PTCHD4: variants seen among roughly 807,000 people sequenced by gnomAD.
PTCHD4 encodes patched domain-containing protein 4.
A neutral mutation model predicts 58.1 loss-of-function variants in PTCHD4; 33 were observed. The observed-to-expected ratio is 0.57, with a 90% CI of 0.43 to 0.76. The LOEUF (loss-of-function observed/expected upper bound fraction) is 0.76, where lower values mean the gene tolerates loss of function less well. PTCHD4 is among the 30% of genes least tolerant of loss of function. PTCHD4 has a pLI of 0.00. For synonymous variants in PTCHD4, 478 were observed against 409.6 expected, an observed-to-expected ratio of 1.17 and a Z score of -2.02; for missense variants, 1,058 against 1,027.1, an observed-to-expected ratio of 1.03 and a Z score of -0.41.
At chr6:48,077,631 C>T (rs1471552756) in intron 1 of PTCHD4, among the ~76,000 whole-genome samples, 2 of 152,212 alleles carry the variant, frequency 1.3e-5, no homozygotes, top group Non-Finnish European at 2.9e-5. Flanking sequence ...TTAATCATTT[C>T]TAGCTTTTGA....
At chr6:47,931,768 G>A (rs1447680641) in intron 4 of PTCHD4, among the ~76,000 whole-genome samples, 6 of 144,828 alleles carry the variant, frequency 4.1e-5, no homozygotes, top group African/African-American at 1.2e-4. Context: ...CATAATAATG[G>A]CACACAATAG....
chr6:47,887,181 CAAT>C (rs1561940031), intron 4 of PTCHD4, among the ~76,000 whole-genome samples: 1 of 149,984 alleles, frequency 6.7e-6, no homozygotes, highest in Non-Finnish European at 1.5e-5. Context: ...ACTAGATTAA[CAAT>C]AATAGGTATA....
chr6:48,062,810 T>C (rs1471456368), intron 3 of PTCHD4, among the ~76,000 whole-genome samples: 1 of 152,186 alleles, frequency 6.6e-6, no homozygotes, highest in Non-Finnish European at 1.5e-5. Context: ...AAATCCACTA[T>C]AATGATAATT....
Position 48,041,212 on chromosome 6 carries a change from T to G in PTCHD4, c.417+27018A>C, listed in dbSNP as rs552220333. Among the ~76,000 whole-genome samples the G allele has an allele frequency of 2.0e-5, 3 of 152,130 alleles. No individual in the cohort carries two copies. The East Asian group carries it at 5.8e-4, about 29-fold the overall frequency. The stretch of plus-strand genomic sequence containing the variant: ...ACCTCCACCCAGGTGAGAATGTAAT[T>G]TGACTCTCAATTTTCACAAAGAAAC... On this transcript the variant is annotated intron_variant, in intron 3 of 4. Transcript: ENST00000339488.
At chr6:47,891,366 C>T (rs1212300287) in intron 4 of PTCHD4, among the ~76,000 whole-genome samples, 2 of 152,108 alleles carry the variant, frequency 1.3e-5, no homozygotes, top group Admixed American at 6.5e-5. Context: ...CAGACAACCT[C>T]GCAAAACAGC....
chr6:48,077,687 C>T (rs1322920740), intron 1 of PTCHD4, among the ~76,000 whole-genome samples: 2 of 152,108 alleles, frequency 1.3e-5, no homozygotes. Context: ...TTCTTGAATA[C>T]TTAGAGGCCA....
At position 48,068,623 on chromosome 6, in the gene PTCHD4, C is replaced by A. The variant is rs753515083; in HGVS notation, c.24G>T (p.Ala8=). 4 of 1,562,638 alleles carry A rather than the reference C, an allele frequency of 2.6e-6. No individual in the cohort carries two copies. Among genetic ancestry groups the A allele is most frequent in the Non-Finnish European group, 3.5e-6 (4 of 1,158,954 alleles). Residue 8 remains alanine, a synonymous_variant, in exon 3 of 5, where the codon GCG becomes GCT. Transcript: ENST00000339488. The surrounding 1 kb of genome is among the most constrained non-coding windows in gnomAD (Gnocchi z 4.2). ...GCAGCATCCTCCACCAGATCCAGCT[C>A]GCAGGCGCTCCCGGCCGTCTTAAAA... MRRPGAP[A]SWIWWRMLRQ...
chr6:47,967,659 C>T (rs1767344681), intron 4 of PTCHD4, among the ~76,000 whole-genome samples: 2 of 152,180 alleles, frequency 1.3e-5, no homozygotes, highest in Admixed American at 6.5e-5. Context: ...TTCTGGATAA[C>T]TTGCTGCAGC....
intron 1 of PTCHD4, among the ~76,000 whole-genome samples, chr6:48,091,670 G>GGAGTCTCGCTTTGTTGCCCAGGATGGAGT (rs1301956179): frequency 1.5e-4 from 17 of 114,730 alleles, no homozygotes; most frequent in African/African-American, 5.6e-4. Flanking sequence ...TTTTTTGGAT[G>GGAGTCTCGCTTTGTTGCCCAGGATGGAGT]GAGTCTCGCT....
At chr6:47,911,556 TA>T (rs1334043177) in intron 4 of PTCHD4, among the ~76,000 whole-genome samples, 9 of 151,998 alleles carry the variant, frequency 5.9e-5, no homozygotes, top group African/African-American at 2.2e-4. Context: ...AGGAAAGGAG[TA>T]AAGGATGATG....
rs912676727 is a variant in PTCHD4 at position 47,878,928 on chromosome 6, C to T, written c.1907G>A (p.Arg636Gln). 6 of 1,613,240 alleles carry T rather than the reference C, an allele frequency of 3.7e-6. No individual in the cohort carries two copies. In the East Asian group the frequency reaches 6.7e-5, roughly 18 times the overall value. The part of the protein sequence containing the change: ...LRPLSLSKSI[R>Q]FIVFNPSFVF... The stretch of plus-strand genomic sequence containing the variant: ...AAAGGAGGGGTTGAACACGATGAAT[C>T]GGATGCTCTTTGAGAGGGATAGGGG... The change falls in exon 5 of 5, where the codon CGA (arginine) becomes CAA (glutamine). Residue 636 changes from arginine (R) to glutamine (Q), a missense_variant. Coordinates refer to ENST00000339488, the MANE Select transcript of PTCHD4 (RefSeq NM_001384253.1).
chr6:48,018,408 A>G (rs1582028700), intron 3 of PTCHD4, among the ~76,000 whole-genome samples: 1 of 152,236 alleles, frequency 6.6e-6, no homozygotes, highest in South Asian at 2.1e-4. Flanking sequence ...AGAGAAAAAA[A>G]TAAAAGAAAT....
intron 3 of PTCHD4, among the ~76,000 whole-genome samples, chr6:48,045,254 C>T (rs1763993980): frequency 6.6e-6 from 1 of 151,734 alleles, no homozygotes; most frequent in Non-Finnish European, 1.5e-5. Flanking sequence ...TACTAACAAC[C>T]TTTAGAATTA....
intron 4 of PTCHD4, among the ~76,000 whole-genome samples, chr6:47,885,055 T>C (rs1195519932): frequency 2.6e-5 from 4 of 152,258 alleles, no homozygotes; most frequent in Non-Finnish European, 4.4e-5. Context: ...TGCCACACTT[T>C]GGTCATGATT....
At chr6:48,102,810 C>T (rs986058405) in intron 1 of PTCHD4, among the ~76,000 whole-genome samples, 17 of 152,314 alleles carry the variant, frequency 1.1e-4, no homozygotes, top group Admixed American at 8.5e-4. Flanking sequence ...GATTACATCC[C>T]GCACATGGCT....
At chr6:47,893,024 T>G (rs1764426754) in intron 4 of PTCHD4, among the ~76,000 whole-genome samples, 2 of 152,240 alleles carry the variant, frequency 1.3e-5, no homozygotes, top group African/African-American at 4.8e-5. Context: ...TCTTTTTATT[T>G]TTTTTGAGAT....
At position 47,873,895 on chromosome 6, in the gene PTCHD4, G is replaced by A. The variant is rs749007554; in HGVS notation, c.*4408C>T. Among the ~76,000 whole-genome samples the A allele has an allele frequency of 7.3e-5, 11 of 151,594 alleles. No homozygotes were observed. The highest frequency in any genetic ancestry group is 1.2e-4 in the Non-Finnish European group (8 of 67,748). ...TAAAGGGAAGAAAAGTGCTTCTGAG[G>A]CTCTTTTGGAATAAGTAACAGTTTT... On this transcript the variant is annotated 3_prime_UTR_variant, in exon 5 of 5. Coordinates refer to ENST00000339488, the MANE Select transcript of PTCHD4 (RefSeq NM_001384253.1).
At chr6:48,028,413 A>G (rs1213632260) in intron 3 of PTCHD4, among the ~76,000 whole-genome samples, 1 of 152,162 alleles carries the variant, frequency 6.6e-6, no homozygotes, top group African/African-American at 2.4e-5. Flanking sequence ...TAAAAAAGTC[A>G]TAGAAGGTCT....
At chr6:48,095,776 C>T (rs776381095) in intron 1 of PTCHD4, among the ~76,000 whole-genome samples, 16 of 145,996 alleles carry the variant, frequency 1.1e-4, no homozygotes, top group South Asian at 2.2e-4. Context: ...TTCTATGAAA[C>T]GAAGATGTGA....
Sources: gnomAD v4.1 joint callset for allele counts (sites outside exome capture counted in the v4.1 genomes callset) on GRCh38, gnomAD v4.1.1 for gene constraint, Gnocchi (gnomAD v3.1) non-coding constraint, MANE v1.5 for transcripts, NCBI Gene and HGNC (gene_info 2026-07-23, HGNC 2026-07-21) for gene names.